PCNT: variants seen among roughly 807,000 people sequenced by gnomAD.
PCNT encodes pericentrin, also known as kendrin.
Under a neutral mutation model 380.4 loss-of-function variants are expected in PCNT, and 319 were observed. The ratio of observed to expected loss-of-function variants is 0.84; its 90% confidence interval spans 0.77 to 0.92. PCNT has a LOEUF of 0.92. Ranked by LOEUF, PCNT falls within the 40% of genes least tolerant of loss-of-function variation. The pLI is 0.00. For missense variants in PCNT, 4,400 were observed against 4,255.3 expected (o/e 1.03, Z -0.95); for synonymous variants, 1,845 against 1,735.2 (o/e 1.06, Z -1.57).
At chr21:46,350,743 T>G (rs542276962) in intron 8 of PCNT, among the ~76,000 whole-genome samples, 1 of 151,946 alleles carries the variant, frequency 6.6e-6, no homozygotes, top group Non-Finnish European at 1.5e-5. Context: ...CGGGGCTCAC[T>G]CCACACCCCC....
intron 2 of PCNT, among the ~76,000 whole-genome samples, chr21:46,333,836 CAA>C (rs568452326): frequency 2.4e-4 from 20 of 82,098 alleles, no homozygotes; most frequent in Non-Finnish European, 1.8e-4. Context: ...GACTCCGTCT[CAA>C]AAAAAAAAAA....
Position 46,400,579 on chromosome 21 carries a change from C to CGCAATCTCGGCTCGAGTGCAGTGGT in PCNT, c.4791+796_4791+797insGAGTGCAGTGGTGCAATCTCGGCTC, listed in dbSNP as rs1555979916. On this transcript the variant is annotated intron_variant, in intron 25 of 46. Transcript: ENST00000359568. The stretch of plus-strand genomic sequence containing the variant: ...TGTCACCCAGGCTGGAGTGCAGTGG[C>CGCAATCTCGGCTCGAGTGCAGTGGT]GCAATCTCGGCTCACAGCAACCTCC... Among the ~76,000 whole-genome samples the CGCAATCTCGGCTCGAGTGCAGTGGT allele has an allele frequency of 1.2e-3, 160 of 137,574 alleles. 2 individuals carry two copies. The highest frequency in any genetic ancestry group is 4.2e-3 in the African/African-American group (150 of 35,856). 90.3% of individuals were successfully genotyped at this position (137,574 alleles called of 152,430 possible). A position where few individuals can be genotyped will look rare whatever the true frequency, so the allele number is the denominator to read the frequency against.
At chr21:46,410,667 C>T (rs1358525643) in intron 27 of PCNT, among the ~76,000 whole-genome samples, 2 of 152,220 alleles carry the variant, frequency 1.3e-5, no homozygotes, top group Non-Finnish European at 1.5e-5. Flanking sequence ...AGTAAACTCA[C>T]TTCGATGCCT....
At position 46,441,018 on chromosome 21, in the gene PCNT, G is replaced by A. The variant is rs776014063; in HGVS notation, c.9557G>A (p.Arg3186Gln). The change falls in exon 43 of 47, where the codon CGG (arginine) becomes CAG (glutamine). Residue 3186 changes from arginine (R) to glutamine (Q), a missense_variant. Arg to Gln is a conservative substitution (Grantham distance 43). Transcript: ENST00000359568. ...GGGGTATTTCCTTCCAAAGCAGAAC[G>A]GAAAATCACATCTCGTCCTTTCACC... is the stretch of plus-strand genomic sequence containing the variant. ...HLGVFPSKAE[R>Q]KITSRPFTRF... The A allele has an allele frequency of 1.9e-6, 3 of 1,614,144 alleles. No individual in the cohort carries two copies. Among genetic ancestry groups the A allele is most frequent in the South Asian group, 1.1e-5 (1 of 91,086 alleles).
intron 21 of PCNT, 87 bp downstream of exon 21, chr21:46,391,463 G>C: frequency 8.9e-7 from 1 of 1,125,366 alleles, no homozygotes; most frequent in Non-Finnish European, 1.3e-6. Context: ...AGGACACTCA[G>C]TGTCTCTAGA....
At chr21:46,433,495 G>A (rs2087852726) in intron 38 of PCNT, among the ~76,000 whole-genome samples, 1 of 152,126 alleles carries the variant, frequency 6.6e-6, no homozygotes, top group African/African-American at 2.4e-5. Flanking sequence ...CATGGCAGGG[G>A]CGTCTACACA....
At chr21:46,338,987 G>T (rs904765426) in intron 3 of PCNT, among the ~76,000 whole-genome samples, 13 of 152,254 alleles carry the variant, frequency 8.5e-5, no homozygotes, top group Admixed American at 7.2e-4. Flanking sequence ...TCACCATGTT[G>T]GCCAGGCTGG....
In PCNT at chr21:46,403,125, A is replaced by C. The variant is rs572687852; in HGVS notation, c.5115+642A>C. The stretch of plus-strand genomic sequence containing the variant: ...TGTGGTGCCCACACAACACGTGCTC[A>C]GTGAATGAACACAGCGTGGGAGAAT... On this transcript the variant is annotated intron_variant, in intron 27 of 46. Transcript: ENST00000359568. Among the ~76,000 whole-genome samples, 3 of 150,660 alleles carry C rather than the reference A, an allele frequency of 2.0e-5. No individual in the cohort carries two copies. In the South Asian group the frequency reaches 6.3e-4, roughly 32 times the overall value.
chr21:46,346,953 G>A lies in PCNT; in HGVS notation c.931G>A (p.Ala311Thr), dbSNP rs140196457. The A allele has an allele frequency of 6.9e-6, 11 of 1,596,948 alleles. No homozygotes were observed. The highest frequency in any genetic ancestry group is 1.3e-5 in the African/African-American group (1 of 74,860). ...HELELLREQH[A>T]REKEEVVLRC... ...GCTGGAGCTCCTCAGGGAGCAGCACGCACGGGAGAAGGAGGAGGTGGTGCT... is the reference window on the plus strand; with the variant it reads ...GCTGGAGCTCCTCAGGGAGCAGCACACACGGGAGAAGGAGGAGGTGGTGCT... The change falls in exon 5 of 47, where the codon GCA becomes ACA. Residue 311 changes from alanine (A) to threonine (T), a missense_variant. Transcript: ENST00000359568.
intron 24 of PCNT, among the ~76,000 whole-genome samples, chr21:46,398,930 C>T (rs1283374824): frequency 6.6e-6 from 1 of 150,822 alleles, no homozygotes; most frequent in Non-Finnish European, 1.5e-5. Flanking sequence ...CGCCATTCTC[C>T]TGCCTCAGCC....
At chr21:46,403,358 G>A (rs181355969) in intron 27 of PCNT, among the ~76,000 whole-genome samples, 3,246 of 136,606 alleles carry the variant, frequency 0.024, 13 homozygotes, top group Middle Eastern at 0.037. Context: ...GCGCGTGCTC[G>A]GTGAATGAAC....
intron 29 of PCNT, among the ~76,000 whole-genome samples, chr21:46,414,600 G>GCTC (rs1217693872): frequency 4.2e-5 from 2 of 47,820 alleles, no homozygotes; most frequent in Non-Finnish European, 8.2e-5. Flanking sequence ...CGCCCACCCT[G>GCTC]CTCCTCCTCC....
At position 46,388,792 on chromosome 21, in the gene PCNT, C is replaced by T. The variant is rs773951884; in HGVS notation, c.3515C>T (p.Thr1172Met). Residue 1172 changes from threonine (T) to methionine (M), a missense_variant, in exon 18 of 47, where the codon ACG becomes ATG. By Grantham distance (81) the Thr-to-Met change is moderately conservative (BLOSUM62 -1). Coordinates refer to ENST00000359568, the MANE Select transcript of PCNT (RefSeq NM_006031.6). The surrounding 1 kb of genome is among the most constrained non-coding windows in gnomAD (Gnocchi z 4.2). ...LRRLLGLFGE[T>M]LRAAVTLRSR... ...AGGCTGCTGGGTTTGTTTGGAGAGACGCTGAGGGCAGCCGTCACCCTGAGG... is the reference window on the plus strand; with the variant it reads ...AGGCTGCTGGGTTTGTTTGGAGAGATGCTGAGGGCAGCCGTCACCCTGAGG... 3.1e-6 allele frequency: 5 copies of T among 1,613,580 alleles called. No individual in the cohort carries two copies. Among genetic ancestry groups the T allele is most frequent in the African/African-American group, 1.3e-5 (1 of 74,932 alleles).
chr21:46,411,383 T>C lies in PCNT; in HGVS notation c.5310T>C (p.Ser1770=), dbSNP rs754375202. 2 of 1,613,922 alleles carry C rather than the reference T, an allele frequency of 1.2e-6. No individual in the cohort carries two copies. The highest frequency in any genetic ancestry group is 1.7e-6 in the Non-Finnish European group (2 of 1,180,004). ...AAGTCAGCGACAGTCAGGCTGGCAG[T>C]CTGCAGAGCGAGCTGCTCTGCTCCC... ...VHEVSDSQAG[S]LQSELLCSQA... The change falls in exon 28 of 47, where the codon AGT becomes AGC. Residue 1770 remains serine (S), a synonymous_variant. Transcript: ENST00000359568.
intron 13 of PCNT, among the ~76,000 whole-genome samples, chr21:46,362,261 C>T (rs569632581): frequency 6.6e-6 from 1 of 152,228 alleles, no homozygotes; most frequent in Non-Finnish European, 1.5e-5. Context: ...TCCTCCCTCA[C>T]TCTCCAGTTC....
rs1221119501 is a variant in PCNT, at chr21:46,411,659, C to T, written c.5586C>T (p.Ala1862=). The T allele has an allele frequency of 6.2e-7, 1 of 1,613,046 alleles. No homozygotes were observed. The highest frequency in any genetic ancestry group is 1.1e-5 in the South Asian group (1 of 91,088). The change falls in exon 28 of 47, where the codon GCC becomes GCT. Residue 1862 remains alanine (A), a synonymous_variant. Transcript: ENST00000359568. ...CCCGGATCCAGGAGTTCGAAGCGGC[C>T]CTGAAAGCAAAGGAAGCGACGATTG... ...MASRIQEFEA[A]LKAKEATIAE...
chr21:46,335,227 C>G (rs918676955), intron 3 of PCNT, among the ~76,000 whole-genome samples: 1 of 152,164 alleles, frequency 6.6e-6, no homozygotes, highest in Non-Finnish European at 1.5e-5. Context: ...GAGAGCCTGG[C>G]AGGGCAGGGA....
At chr21:46,329,026 G>A (rs766019384) in intron 2 of PCNT, among the ~76,000 whole-genome samples, 2 of 152,052 alleles carry the variant, frequency 1.3e-5, no homozygotes, top group Non-Finnish European at 2.9e-5. Context: ...CACCTGCCTC[G>A]GCCTCCCAAA....
At chr21:46,336,288 T>A (rs2083733287) in intron 3 of PCNT, among the ~76,000 whole-genome samples, 1 of 152,240 alleles carries the variant, frequency 6.6e-6, no homozygotes, top group African/African-American at 2.4e-5. Flanking sequence ...GTTTAGTTTT[T>A]AATCTGCATT....
Sources: allele counts gnomAD v4.1 joint callset (sites outside exome capture counted in the v4.1 genomes callset), GRCh38; gene constraint gnomAD v4.1.1; non-coding constraint Gnocchi (gnomAD v3.1); transcripts MANE v1.5; gene names NCBI Gene and HGNC (gene_info 2026-07-23, HGNC 2026-07-21).